Variants in CCS observed in about 807,000 individuals in gnomAD.
The protein encoded by CCS is copper chaperone for superoxide dismutase.
A neutral mutation model predicts 35.5 loss-of-function variants in CCS; 32 were observed. The ratio of observed to expected loss-of-function variants is 0.90; its 90% CI spans 0.68 to 1.21. The LOEUF (loss-of-function observed/expected upper bound fraction) is 1.21, where lower values mean the gene tolerates loss of function less well. Among genes scored for constraint, CCS ranks in the 50% most tolerant of loss-of-function variants. The pLI is 0.00. For missense variants in CCS, 342 were observed against 375.4 expected, an observed-to-expected ratio of 0.91 and a Z score of 0.73; for synonymous variants, 130 against 147.2, an observed-to-expected ratio of 0.88 and a Z score of 0.84.
In CCS at chr11:66,593,223, G is replaced by A; in HGVS notation, c.-39G>A. 1 of 1,553,474 alleles carries A rather than the reference G, an allele frequency of 6.4e-7. No individual in the cohort carries two copies. Among genetic ancestry groups the A allele is most frequent in the Non-Finnish European group, 8.7e-7 (1 of 1,148,632 alleles). ...CCGCGCTGGTTGGTGCTCCTGCGCC[G>A]GAGGAGTTCTGCGTCTCGGGGTGGT... is the stretch of plus-strand genomic sequence containing the variant. On this transcript the variant is annotated 5_prime_UTR_variant, in exon 1 of 8. Coordinates refer to ENST00000533244, the MANE Select transcript of CCS (RefSeq NM_005125.2).
At chr11:66,595,413 C>A (rs11227539) in intron 2 of CCS, among the ~76,000 whole-genome samples, 1 of 152,020 alleles carries the variant, frequency 6.6e-6, no homozygotes, top group African/African-American at 2.4e-5. Context: ...CTCTTGGACC[C>A]GGAGCAGTTT....
At position 66,593,790 on chromosome 11, in the gene CCS, C is replaced by G. The variant is rs932753524; in HGVS notation, c.112+76C>G. ...GACCAGGCGAATCTATTAGGCGAAC[C>G]CTACTCCCATTTTACAGATGCAGAA... On this transcript the variant is annotated intron_variant, in intron 2 of 7. Transcript: ENST00000533244. 4.5e-6 allele frequency: 6 copies of G among 1,329,270 alleles called. No individual in the cohort carries two copies. In the Admixed American group the frequency reaches 1.1e-4, roughly 24 times the overall value. The allele number at this position is 1,329,270 out of a possible 1,614,324, so 82.3% of individuals were successfully genotyped here. A position where few individuals can be genotyped will look rare whatever the true frequency, so the allele number is the denominator to read the frequency against.
chr11:66,604,276 A>G (rs540378303), intron 5 of CCS, among the ~76,000 whole-genome samples: 1 of 152,226 alleles, frequency 6.6e-6, no homozygotes, highest in African/African-American at 2.4e-5. Context: ...AGGGCTCTGT[A>G]TCCCCTCCCC....
Position 66,605,998 on chromosome 11 carries a change from A to C in CCS, c.*143A>C, listed in dbSNP as rs558948617. 63 of 879,020 alleles carry C rather than the reference A, an allele frequency of 7.2e-5. No individual in the cohort carries two copies. In the African/African-American group the frequency reaches 9.6e-4, roughly 13 times the overall value. 54.5% of individuals were successfully genotyped at this position (879,020 alleles called of 1,614,324 possible). A position where few individuals can be genotyped will look rare whatever the true frequency, so the allele number is the denominator to read the frequency against. ...TGCTGTGGTGTTCCCTTGGCAAATGAAAGTTTTATTTTCGTTTGGGACTTG... is the reference window on the plus strand; with the variant it reads ...TGCTGTGGTGTTCCCTTGGCAAATGCAAGTTTTATTTTCGTTTGGGACTTG... On this transcript the variant is annotated 3_prime_UTR_variant, in exon 8 of 8. Transcript: ENST00000533244.
intron 5 of CCS, 150 bp from the exon 6 acceptor site, chr11:66,605,189 G>A (rs1565062767): frequency 6.5e-7 from 1 of 1,540,934 alleles, no homozygotes; most frequent in East Asian, 2.4e-5. Context: ...CCAGTCCTTG[G>A]GGAGCTCAGA....
chr11:66,593,260 G>A lies in CCS; in HGVS notation c.-2G>A. On this transcript the variant is annotated 5_prime_UTR_variant, in exon 1 of 8. Transcript: ENST00000533244. ...CGTCTCGGGGTGGTGACTGGGTCCA[G>A]AATGGCTTCGGATTCGGGGAACCAG... 1.3e-6 allele frequency: 2 copies of A among 1,561,540 alleles called. No individual in the cohort carries two copies. The highest frequency in any genetic ancestry group is 1.7e-6 in the Non-Finnish European group (2 of 1,153,632).
chr11:66,600,184 T>C (rs887000118), intron 4 of CCS: 25 of 273,542 alleles, frequency 9.1e-5, no homozygotes, highest in Non-Finnish European at 1.6e-4. Flanking sequence ...ACCACCTTAC[T>C]GCCTCTGAGA....
chr11:66,593,968 G>A (rs959081345), intron 2 of CCS, among the ~76,000 whole-genome samples: 1 of 152,180 alleles, frequency 6.6e-6, no homozygotes, highest in African/African-American at 2.4e-5. Flanking sequence ...GAGGAGCTAG[G>A]CTGAGGGAGT....
At chr11:66,601,678 C>T (rs1858573818) in intron 5 of CCS, among the ~76,000 whole-genome samples, 1 of 151,850 alleles carries the variant, frequency 6.6e-6, no homozygotes, top group African/African-American at 2.4e-5. Context: ...AAGCAATCCT[C>T]CCACCTCACC....
intron 5 of CCS, among the ~76,000 whole-genome samples, chr11:66,603,302 C>T (rs1169818802): frequency 2.6e-5 from 4 of 152,270 alleles, no homozygotes; most frequent in African/African-American, 9.6e-5. Flanking sequence ...CAGCCGGGCA[C>T]AGTGGCTCAC....
At chr11:66,597,201 G>C (rs1167432610) in intron 2 of CCS, among the ~76,000 whole-genome samples, 1 of 152,206 alleles carries the variant, frequency 6.6e-6, no homozygotes, top group Non-Finnish European at 1.5e-5. Context: ...GCTCACACCT[G>C]TAATTCCAGC....
At chr11:66,593,473 C>A in intron 1 of CCS, 169 bp from the exon 2 acceptor site, 1 of 920,306 alleles carries the variant, frequency 1.1e-6, no homozygotes, top group South Asian at 1.6e-5. Flanking sequence ...TGGGGGGTGA[C>A]TCCCATGGTC....
rs1858538954 is a variant in CCS, at chr11:66,599,547, C to T, written c.339C>T (p.Cys113=). Residue 113 remains cysteine (C), a synonymous_variant, in exon 4 of 8, where the codon TGC becomes TGT. Coordinates refer to ENST00000533244, the MANE Select transcript of CCS (RefSeq NM_005125.2). ...VRFLQLTPER[C]LIEGTIDGLE... Reference sequence around the variant, plus strand: ...TCCTACAGCTGACCCCTGAGCGCTGCCTCATCGAGGGAACTATTGACGGCC... The same window carrying T: ...TCCTACAGCTGACCCCTGAGCGCTGTCTCATCGAGGGAACTATTGACGGCC... 1 of 1,603,246 alleles carries T rather than the reference C, an allele frequency of 6.2e-7. No individual in the cohort carries two copies. The highest frequency in any genetic ancestry group is 8.5e-7 in the Non-Finnish European group (1 of 1,175,216).
rs1858541466 is a variant in CCS, at chr11:66,599,636, GGTGAGTT to G, written c.428+3_428+9del. ...GGGGACCTTACAAACAACTGCAACA[GGTGAGTT>G]GTCTGAAGTCTCCCCAGTAGCATTC... On this transcript the variant is annotated splice_donor_variant and splice_donor_5th_base_variant and intron_variant, in intron 4 of 7. Transcript: ENST00000533244. LOFTEE classifies it high-confidence loss of function. The G allele has an allele frequency of 1.9e-6, 3 of 1,611,668 alleles. No individual in the cohort carries two copies. Among genetic ancestry groups the G allele is most frequent in the Non-Finnish European group, 2.5e-6 (3 of 1,179,058 alleles).
intron 5 of CCS, among the ~76,000 whole-genome samples, chr11:66,603,083 C>T (rs918772843): frequency 2.0e-5 from 3 of 152,352 alleles, no homozygotes; most frequent in Non-Finnish European, 4.4e-5. Flanking sequence ...CATGCCCCTG[C>T]CTGAAACTTG....
chr11:66,601,508 G>A (rs1858570796), intron 5 of CCS, among the ~76,000 whole-genome samples: 1 of 152,086 alleles, frequency 6.6e-6, no homozygotes, highest in South Asian at 2.1e-4. Context: ...TCACAGCTCT[G>A]TTACCTATCA....
At chr11:66,604,215 A>G (rs897716939) in intron 5 of CCS, among the ~76,000 whole-genome samples, 1 of 152,054 alleles carries the variant, frequency 6.6e-6, no homozygotes, top group Admixed American at 6.6e-5. Context: ...GGGCATTGCA[A>G]TGAGACTTTG....
At chr11:66,598,202 A>G (rs1170337476) in intron 2 of CCS, among the ~76,000 whole-genome samples, 1 of 152,050 alleles carries the variant, frequency 6.6e-6, no homozygotes, top group Non-Finnish European at 1.5e-5. Flanking sequence ...ATCACTTCAT[A>G]AAGAAATCCT....
At position 66,605,960 on chromosome 11, in the gene CCS, A is replaced by G; in HGVS notation, c.*105A>G. The G allele has an allele frequency of 8.2e-7, 1 of 1,225,816 alleles. No individual in the cohort carries two copies. The highest frequency in any genetic ancestry group is 1.1e-6 in the Non-Finnish European group (1 of 921,546). The allele number at this position is 1,225,816 out of a possible 1,614,324, so 75.9% of individuals were successfully genotyped here. A position where few individuals can be genotyped will look rare whatever the true frequency, so the allele number is the denominator to read the frequency against. Reference sequence around the variant, plus strand: ...CTGCCCAGTCTTTGGAGAGCTCAGTACAGGGCAGGAGCTGCTGTGGTGTTC... The same window carrying G: ...CTGCCCAGTCTTTGGAGAGCTCAGTGCAGGGCAGGAGCTGCTGTGGTGTTC... On this transcript the variant is annotated 3_prime_UTR_variant, in exon 8 of 8. Transcript: ENST00000533244.
Sources: allele counts gnomAD v4.1 joint callset (sites outside exome capture counted in the v4.1 genomes callset), GRCh38; gene constraint gnomAD v4.1.1; transcripts MANE v1.5; gene names NCBI Gene and HGNC (gene_info 2026-07-23, HGNC 2026-07-21).